The following ARHGAP40 variants were observed in gnomAD, a reference collection of about 807,000 sequenced individuals.
ARHGAP40 encodes rho GTPase-activating protein 40.
A neutral mutation model predicts 73.5 loss-of-function variants in ARHGAP40; 43 were observed. The observed-to-expected ratio is 0.58, with a 90% CI of 0.46 to 0.75. The LOEUF is 0.75. ARHGAP40 is among the 30% of genes least tolerant of loss of function. The pLI, the probability that ARHGAP40 is intolerant of heterozygous loss-of-function variation, is 0.00. For synonymous variants in ARHGAP40, 300 were observed against 352.8 expected (o/e 0.85, Z 1.68); for missense variants, 734 against 861.8 (o/e 0.85, Z 1.86).
chr20:38,621,472 A>G (rs1028509173), intron 1 of ARHGAP40, among the ~76,000 whole-genome samples: 7 of 152,194 alleles, frequency 4.6e-5, no homozygotes, highest in Non-Finnish European at 8.8e-5. Flanking sequence ...GAGCTATCAA[A>G]TGCTTAGCAT....
At chr20:38,650,062 G>T in exon 15 of ARHGAP40, 1 of 363,192 alleles carries the variant, frequency 2.8e-6, no homozygotes, top group South Asian at 2.1e-5. Flanking sequence ...GGGCCTCAGG[G>T]AGGGGAGGCC....
exon 14 of ARHGAP40, chr20:38,648,698 A>G (rs758935947): frequency 7.7e-7 from 1 of 1,305,698 alleles, no homozygotes; most frequent in Non-Finnish European, 1.0e-6. Flanking sequence ...AGGGAATATC[A>G]GTAAGTTCCA....
At chr20:38,630,161 CCCTT>C (rs369425972) in intron 5 of ARHGAP40, among the ~76,000 whole-genome samples, 1,447 of 138,732 alleles carry the variant, frequency 0.01, 20 homozygotes, top group African/African-American at 0.035. Context: ...CTCCCTCCCT[CCCTT>C]CCTTCCTTCC....
chr20:38,640,725 T>C (rs2089013033), intron 9 of ARHGAP40, among the ~76,000 whole-genome samples: 1 of 152,086 alleles, frequency 6.6e-6, no homozygotes, highest in African/African-American at 2.4e-5. Flanking sequence ...CCCCTCCTCT[T>C]TCCTTCCCTG....
rs73905662 is a variant in ARHGAP40, at chr20:38,646,447, C to T, written c.1710+260C>T. On this transcript the variant is annotated intron_variant, in intron 12 of 14. Coordinates refer to ENST00000373345, the Ensembl canonical transcript of ARHGAP40. The surrounding 1 kb of genome is among the most constrained non-coding windows in gnomAD (Gnocchi z 4.5). Reference sequence around the variant, plus strand: ...AAACCGTCACCGCCGCCCCATTTTTCGGCAGCCCCTGGCCGAGGGTTGGGA... The same window carrying T: ...AAACCGTCACCGCCGCCCCATTTTTTGGCAGCCCCTGGCCGAGGGTTGGGA... Among the ~76,000 whole-genome samples, 1,756 of 152,250 alleles carry T rather than the reference C, an allele frequency of 0.012. 24 individuals are homozygous for T. The highest frequency in any genetic ancestry group is 0.039 in the African/African-American group (1,638 of 41,554).
chr20:38,634,586 G>A (rs774689478), intron 5 of ARHGAP40, 34 bp from the exon 6 acceptor site: 7 of 1,304,762 alleles, frequency 5.4e-6, no homozygotes, highest in South Asian at 2.5e-5. Context: ...CTCATAGCCT[G>A]ACAAATTGTC....
At chr20:38,650,254 A>G in exon 15 of ARHGAP40, 2 of 438,572 alleles carry the variant, frequency 4.6e-6, no homozygotes, top group South Asian at 3.5e-5. Context: ...TTGGATCTCC[A>G]TGGGCTTCTG....
chr20:38,630,082 T>TTC (rs1263777387), intron 5 of ARHGAP40, among the ~76,000 whole-genome samples: 3 of 90,668 alleles, frequency 3.3e-5, no homozygotes, highest in African/African-American at 9.5e-5. Context: ...CTTTCTTTCT[T>TTC]TTTCTTTCTT....
At chr20:38,642,734 A>G (rs1012067471) in intron 10 of ARHGAP40, among the ~76,000 whole-genome samples, 1 of 112,680 alleles carries the variant, frequency 8.9e-6, no homozygotes, top group Admixed American at 9.3e-5. Context: ...CCATCCTTCC[A>G]TCCATCCATC....
chr20:38,623,216 A>G, intron 1 of ARHGAP40, 143 bp from the exon 2 acceptor site: 1 of 530,200 alleles, frequency 1.9e-6, no homozygotes, highest in Non-Finnish European at 2.9e-6. Flanking sequence ...CAATTTGCTG[A>G]GATCACCCTG....
intron 8 of ARHGAP40, 66 bp downstream of exon 8, chr20:38,638,904 CG>C (rs2088995075): frequency 7.9e-7 from 1 of 1,262,158 alleles, no homozygotes; most frequent in Admixed American, 2.3e-5. Context: ...TGTGTTAAGC[CG>C]GGAGGGAAAC....
intron 1 of ARHGAP40, chr20:38,615,559 C>G (rs959681270): frequency 3.6e-6 from 2 of 552,110 alleles, no homozygotes; most frequent in Non-Finnish European, 6.6e-6. Context: ...CCACTGTTTT[C>G]CCCGAGATTG....
chr20:38,614,948 G>A (rs1161269502), intron 1 of ARHGAP40: 2 of 1,293,482 alleles, frequency 1.5e-6, no homozygotes, highest in Admixed American at 1.7e-5. Context: ...TCCGAAGGCT[G>A]GAGGTTTGTG....
In ARHGAP40 at chr20:38,639,576, G is replaced by A. The variant is rs368196021; in HGVS notation, c.1279+190G>A. 3.5e-4 allele frequency among the ~76,000 whole-genome samples: 53 copies of A among 152,390 alleles called. 1 individual carries two copies. In the South Asian group the frequency reaches 9.3e-3, roughly 27 times the overall value. On this transcript the variant is annotated intron_variant, in intron 9 of 14. Coordinates refer to ENST00000373345, the Ensembl canonical transcript of ARHGAP40. Reference sequence around the variant, plus strand: ...AATGTGTGCACATACACATGTGCACGCGTGTCCTGCGTGTGTTGTATGGCA... The same window carrying A: ...AATGTGTGCACATACACATGTGCACACGTGTCCTGCGTGTGTTGTATGGCA...
intron 1 of ARHGAP40, among the ~76,000 whole-genome samples, chr20:38,605,609 G>C (rs2145591376): frequency 6.6e-6 from 1 of 152,226 alleles, no homozygotes; most frequent in South Asian, 2.1e-4. Flanking sequence ...TTCATGATTG[G>C]TATAAAAATG....
exon 11 of ARHGAP40, chr20:38,643,721 C>G (rs1185385962): frequency 3.0e-5 from 39 of 1,305,812 alleles, no homozygotes; most frequent in Middle Eastern, 2.1e-4. Context: ...TGGAATTCCT[C>G]AGGAAGGTGG....
intron 7 of ARHGAP40, among the ~76,000 whole-genome samples, chr20:38,638,153 CA>C (rs56186972): frequency 2.4e-4 from 34 of 144,598 alleles, no homozygotes; most frequent in East Asian, 4.1e-4. Context: ...ACTAAAAATA[CA>C]AAAAAAAAAA....
chr20:38,614,522 A>G (rs1383557316), intron 1 of ARHGAP40, among the ~76,000 whole-genome samples: 2 of 152,134 alleles, frequency 1.3e-5, no homozygotes, highest in Non-Finnish European at 2.9e-5. Context: ...AAGGGGGAAA[A>G]AAAACCATTG....
At chr20:38,640,168 T>C (rs1489597797) in intron 9 of ARHGAP40, among the ~76,000 whole-genome samples, 1 of 123,338 alleles carries the variant, frequency 8.1e-6, no homozygotes, top group Non-Finnish European at 1.7e-5. Flanking sequence ...TTCTTCTTTC[T>C]TCTTCTTTCT....
Sources: gnomAD v4.1 joint callset for allele counts (sites outside exome capture counted in the v4.1 genomes callset) on GRCh38, gnomAD v4.1.1 for gene constraint, Gnocchi (gnomAD v3.1) non-coding constraint, MANE v1.5 for transcripts, NCBI Gene and HGNC (gene_info 2026-07-23, HGNC 2026-07-21) for gene names.